RFTN1: variants seen among roughly 807,000 people sequenced by gnomAD.
RFTN1 encodes the protein raftlin.
A neutral mutation model predicts 46.5 loss-of-function variants in RFTN1; 26 were observed. That is an observed-to-expected ratio of 0.56 (90% CI 0.41 to 0.78). The LOEUF (loss-of-function observed/expected upper bound fraction) is 0.78, where lower values mean the gene tolerates loss of function less well. RFTN1 is among the 30% of genes least tolerant of loss of function. The pLI, the probability that RFTN1 is intolerant of heterozygous loss-of-function variation, is 0.00. For synonymous variants in RFTN1, 261 were observed against 284.2 expected, an observed-to-expected ratio of 0.92 and a Z score of 0.82; for missense variants, 693 against 718.7, an observed-to-expected ratio of 0.96 and a Z score of 0.41.
In RFTN1 at chr3:16,427,807, T is replaced by C. The variant is rs528731547; in HGVS notation, c.332+6044A>G. Among the ~76,000 whole-genome samples the C allele has an allele frequency of 2.4e-3, 361 of 152,290 alleles. 1 individual carries two copies. Among genetic ancestry groups the C allele is most frequent in the Non-Finnish European group, 3.7e-3 (249 of 68,002 alleles). On this transcript the variant is annotated intron_variant, in intron 3 of 9. Coordinates refer to ENST00000334133, the MANE Select transcript of RFTN1 (RefSeq NM_015150.2). This position sits in a 1 kb window ranked among gnomAD's most constrained non-coding sequence, Gnocchi z 5.4. ...TGCCTGCCCTCCCACTGTTTCTCTT[T>C]GGACACCACGTTCCACTTGTTCCAC...
rs569243527 is a variant in RFTN1, at chr3:16,413,833, T to C, written c.333-4350A>G. On this transcript the variant is annotated intron_variant, in intron 3 of 9. Coordinates refer to ENST00000334133, the MANE Select transcript of RFTN1 (RefSeq NM_015150.2). This position sits in a 1 kb window ranked among gnomAD's most constrained non-coding sequence, Gnocchi z 4.7. ...TTTATTAGTTAGAGGCTACCGGTGT[T>C]AGAGCTAACTAGAGGCAGGTAATAC... Among the ~76,000 whole-genome samples, 3 of 152,346 alleles carry C rather than the reference T, an allele frequency of 2.0e-5. No homozygotes were observed. Among genetic ancestry groups the C allele is most frequent in the Admixed American group, 6.5e-5 (1 of 15,304 alleles).
In RFTN1 at chr3:16,423,281, A is replaced by G. The variant is rs1182072114; in HGVS notation, c.332+10570T>C. Among the ~76,000 whole-genome samples, 4 of 152,098 alleles carry G rather than the reference A, an allele frequency of 2.6e-5. No individual in the cohort carries two copies. The East Asian group carries it at 7.7e-4, about 29-fold the overall frequency. Reference sequence around the variant, plus strand: ...TAGGCAATGTCTGGAATCTGTCACAACTGCAGGGATGGGGGGTTTGCTGGT... The same window carrying G: ...TAGGCAATGTCTGGAATCTGTCACAGCTGCAGGGATGGGGGGTTTGCTGGT... On this transcript the variant is annotated intron_variant, in intron 3 of 9. Coordinates refer to ENST00000334133, the MANE Select transcript of RFTN1 (RefSeq NM_015150.2).
intron 7 of RFTN1, among the ~76,000 whole-genome samples, chr3:16,354,294 G>A (rs933230735): frequency 6.6e-6 from 1 of 152,234 alleles, no homozygotes; most frequent in Non-Finnish European, 1.5e-5. Flanking sequence ...GCTGACTCCT[G>A]AAGGTTGTTT....
chr3:16,328,836 G>T (rs1320665690), intron 7 of RFTN1, among the ~76,000 whole-genome samples: 1 of 152,220 alleles, frequency 6.6e-6, no homozygotes, highest in Non-Finnish European at 1.5e-5. Flanking sequence ...CTGTAATTCT[G>T]TGGCCAGAAT....
intron 4 of RFTN1, among the ~76,000 whole-genome samples, chr3:16,406,977 T>C (rs1367283177): frequency 1.3e-5 from 2 of 152,198 alleles, no homozygotes; most frequent in Non-Finnish European, 2.9e-5. Flanking sequence ...AACTGGCTAA[T>C]GTCCTTCAGG....
intron 2 of RFTN1, among the ~76,000 whole-genome samples, chr3:16,477,196 G>A (rs1429158): frequency 0.62 from 85,844 of 138,778 alleles, 24,806 homozygotes; most frequent in South Asian, 0.71. Context: ...AAATTATTTG[G>A]TTTTTTTCCT....
At position 16,320,009 on chromosome 3, in the gene RFTN1, G is replaced by T. The variant is rs767627981; in HGVS notation, c.1333-2777C>A. 6.6e-6 allele frequency among the ~76,000 whole-genome samples: 1 copy of T among 152,230 alleles called. No homozygotes were observed. The highest frequency in any genetic ancestry group is 6.5e-5 in the Admixed American group (1 of 15,278). On this transcript the variant is annotated intron_variant, in intron 9 of 9. Transcript: ENST00000334133. This position sits in a 1 kb window ranked among gnomAD's most constrained non-coding sequence, Gnocchi z 4.5. ...GCCAGAGCATCTGTGGCAGTTGGGT[G>T]TGTCACCAAATCCAATTAGCCGCCC...
At chr3:16,328,691 T>C (rs2069981206) in intron 7 of RFTN1, among the ~76,000 whole-genome samples, 1 of 152,208 alleles carries the variant, frequency 6.6e-6, no homozygotes, top group Non-Finnish European at 1.5e-5. Context: ...ATCCCAGACC[T>C]GATGAATCAG....
chr3:16,467,466 G>A (rs899434603), intron 2 of RFTN1, among the ~76,000 whole-genome samples: 2 of 152,146 alleles, frequency 1.3e-5, no homozygotes, highest in African/African-American at 2.4e-5. Context: ...TCCGCTGCCC[G>A]CCACTCATCC....
intron 2 of RFTN1, among the ~76,000 whole-genome samples, chr3:16,471,589 T>C (rs2076196935): frequency 1.3e-5 from 2 of 152,130 alleles, no homozygotes; most frequent in South Asian, 4.1e-4. Flanking sequence ...AGCTGGCCAA[T>C]TACAGAACAG....
chr3:16,437,821 T>C (rs960248081), intron 2 of RFTN1, among the ~76,000 whole-genome samples: 1 of 152,124 alleles, frequency 6.6e-6, no homozygotes, highest in African/African-American at 2.4e-5. Context: ...TCTCCTTTTG[T>C]CCTCTTGTCC....
At position 16,433,986 on chromosome 3, in the gene RFTN1, G is replaced by A. The variant is rs1319872582; in HGVS notation, c.197C>T (p.Pro66Leu). The change falls in exon 3 of 10, where the codon CCC (proline) becomes CTC (leucine). Residue 66 changes from proline (P) to leucine (L), a missense_variant. Coordinates refer to ENST00000334133, the MANE Select transcript of RFTN1 (RefSeq NM_015150.2). This position sits in a 1 kb window ranked among gnomAD's most constrained non-coding sequence, Gnocchi z 4.4. ...CTGGTACAGCTCCAGGAGCTGGGCG[G>A]GCAGGTCACGCAGGGAGGCCAGCCT... ...AVRLASLRDL[P>L]AQLLELYQQG... 6.2e-7 allele frequency: 1 copy of A among 1,613,280 alleles called. No homozygotes were observed. Among genetic ancestry groups the A allele is most frequent in the Non-Finnish European group, 8.5e-7 (1 of 1,179,828 alleles).
At chr3:16,319,331 C>T (rs1168733266) in intron 9 of RFTN1, among the ~76,000 whole-genome samples, 1 of 152,206 alleles carries the variant, frequency 6.6e-6, no homozygotes, top group Non-Finnish European at 1.5e-5. Flanking sequence ...GCCTTAAGTG[C>T]TAAAATGTCA....
chr3:16,483,027 C>A lies in RFTN1; in HGVS notation c.145+10698G>T, dbSNP rs2076393707. Among the ~76,000 whole-genome samples the A allele has an allele frequency of 6.6e-6, 1 of 152,180 alleles. No individual in the cohort carries two copies. Among genetic ancestry groups the A allele is most frequent in the African/African-American group, 2.4e-5 (1 of 41,430 alleles). The stretch of plus-strand genomic sequence containing the variant: ...CCTCCAGGGCTTCTGACATTTTGCT[C>A]CAAGGTTTGTTTGTTTTTACTTAGA... On this transcript the variant is annotated intron_variant, in intron 2 of 9. Transcript: ENST00000334133. This position sits in a 1 kb window ranked among gnomAD's most constrained non-coding sequence, Gnocchi z 4.8.
rs1466083020 is a variant in RFTN1 at position 16,334,248 on chromosome 3, A to G, written c.1147-7372T>C. ...ACCTATTGAACTGGTAAAAACCCAA[A>G]AGTTAGGCAGCCCGCTTTGTTGCCA... On this transcript the variant is annotated intron_variant, in intron 7 of 9. Coordinates refer to ENST00000334133, the MANE Select transcript of RFTN1 (RefSeq NM_015150.2). This position sits in a 1 kb window ranked among gnomAD's most constrained non-coding sequence, Gnocchi z 4.3. Among the ~76,000 whole-genome samples, 1 of 152,154 alleles carries G rather than the reference A, an allele frequency of 6.6e-6. No homozygotes were observed. Among genetic ancestry groups the G allele is most frequent in the African/African-American group, 2.4e-5 (1 of 41,434 alleles).
Position 16,506,159 on chromosome 3 carries a change from C to CAA in RFTN1, c.-9+7282_-9+7283insTT, listed in dbSNP as rs2076801990. 6.6e-6 allele frequency among the ~76,000 whole-genome samples: 1 copy of CAA among 152,124 alleles called. No homozygotes were observed. Among genetic ancestry groups the CAA allele is most frequent in the African/African-American group, 2.4e-5 (1 of 41,416 alleles). ...TTTTAAATACGGGGATTGGGAAAGG[C>CAA]CACACCCAGAAGGTGACGTTTAAGC... On this transcript the variant is annotated intron_variant, in intron 1 of 9. Transcript: ENST00000334133. This position sits in a 1 kb window ranked among gnomAD's most constrained non-coding sequence, Gnocchi z 4.8.
Position 16,500,677 on chromosome 3 carries a change from G to C in RFTN1, c.-8-6800C>G, listed in dbSNP as rs2076696434. On this transcript the variant is annotated intron_variant, in intron 1 of 9. Transcript: ENST00000334133. The surrounding 1 kb of genome is among the most constrained non-coding windows in gnomAD (Gnocchi z 5.9). The stretch of plus-strand genomic sequence containing the variant: ...TGATCTTCTGGAAAAAATTTTGGCT[G>C]AATCAAACCTTAAGTGGGATGTCTC... 6.6e-6 allele frequency among the ~76,000 whole-genome samples: 1 copy of C among 152,216 alleles called. No homozygotes were observed.
intron 2 of RFTN1, among the ~76,000 whole-genome samples, chr3:16,476,342 T>G (rs2076281256): frequency 6.6e-6 from 1 of 152,252 alleles, no homozygotes; most frequent in South Asian, 2.1e-4. Context: ...TCCTCAGCAC[T>G]GAGGCCCTAA....
At position 16,354,938 on chromosome 3, in the gene RFTN1, T is replaced by C. The variant is rs949602379; in HGVS notation, c.1146+2994A>G. ...CACGAACACAATTTAGCCAAGTTCTTTGCCACTTTATAATAAGGATGGCCT... is the reference window on the plus strand; with the variant it reads ...CACGAACACAATTTAGCCAAGTTCTCTGCCACTTTATAATAAGGATGGCCT... On this transcript the variant is annotated intron_variant, in intron 7 of 9. Transcript: ENST00000334133. Among the ~76,000 whole-genome samples the C allele has an allele frequency of 9.2e-5, 14 of 152,344 alleles. 2 individuals are homozygous for C. Among genetic ancestry groups the C allele is most frequent in the Admixed American group, 2.0e-4 (3 of 15,302 alleles).
Sources: gnomAD v4.1 joint callset for allele counts (sites outside exome capture counted in the v4.1 genomes callset) on GRCh38, gnomAD v4.1.1 for gene constraint, Gnocchi (gnomAD v3.1) non-coding constraint, MANE v1.5 for transcripts, NCBI Gene and HGNC (gene_info 2026-07-23, HGNC 2026-07-21) for gene names.